Variants in ACOXL observed in about 807,000 individuals in gnomAD.
The protein encoded by ACOXL is acyl-CoA oxidase like, also known as acyl-coenzyme A oxidase-like protein.
ACOXL carries 70 observed loss-of-function variants against 71.9 expected under a neutral mutation model. The observed-to-expected ratio is 0.97, with a 90% CI of 0.80 to 1.19. The LOEUF (loss-of-function observed/expected upper bound fraction) is 1.19, where lower values mean the gene tolerates loss of function less well. ACOXL is among the 50% of genes most tolerant of loss of function. The probability of loss-of-function intolerance (pLI) is 0.00; values close to 1 mark genes in which losing one functional copy is unlikely to be tolerated. For missense variants in ACOXL, 703 were observed against 736.3 expected, an observed-to-expected ratio of 0.95 and a Z score of 0.52; for synonymous variants, 253 against 281.6, an observed-to-expected ratio of 0.90 and a Z score of 1.02.
intron 10 of ACOXL, among the ~76,000 whole-genome samples, chr2:110,891,912 T>C (rs1304549682): frequency 6.6e-6 from 1 of 152,216 alleles, no homozygotes; most frequent in East Asian, 1.9e-4. Context: ...CGAAGCCTTT[T>C]TGAAATGCAT....
intron 17 of ACOXL, among the ~76,000 whole-genome samples, chr2:111,110,342 G>A (rs1265175961): frequency 6.6e-6 from 1 of 152,128 alleles, no homozygotes; most frequent in Non-Finnish European, 1.5e-5. Context: ...AGTTTGAGCT[G>A]TGAAAATGGT....
chr2:111,045,908 C>CGTGCA (rs1322460399), intron 15 of ACOXL, among the ~76,000 whole-genome samples: 2 of 152,116 alleles, frequency 1.3e-5, no homozygotes, highest in Non-Finnish European at 2.9e-5. Flanking sequence ...TGTTCCTACA[C>CGTGCA]GTGCACTTCA....
rs78028046 is a variant in ACOXL, at chr2:110,991,624, G to A, written c.1170-4269G>A. Among the ~76,000 whole-genome samples, 872 of 152,190 alleles carry A rather than the reference G, an allele frequency of 5.7e-3. 61 individuals are homozygous for A. In the East Asian group the frequency reaches 0.14, roughly 24 times the overall value. On this transcript the variant is annotated intron_variant, in intron 13 of 17. Transcript: ENST00000439055. The stretch of plus-strand genomic sequence containing the variant: ...ACACATGGAAAACACAGTAAATGAT[G>A]GCCTGGGATTCTTTATAGCCATTGG...
chr2:110,946,604 G>A (rs1366674481), intron 12 of ACOXL, among the ~76,000 whole-genome samples: 2 of 152,122 alleles, frequency 1.3e-5, no homozygotes, highest in Non-Finnish European at 2.9e-5. Context: ...TGCCCTCTCT[G>A]CTTCAGAAAA....
At chr2:110,984,266 TAC>T (rs926758348) in intron 12 of ACOXL, among the ~76,000 whole-genome samples, 3 of 152,114 alleles carry the variant, frequency 2.0e-5, no homozygotes, top group Admixed American at 6.6e-5. Flanking sequence ...ATTATATATA[TAC>T]ACACACACAT....
At chr2:110,874,401 CAG>C (rs1157875956) in intron 10 of ACOXL, among the ~76,000 whole-genome samples, 4 of 152,092 alleles carry the variant, frequency 2.6e-5, no homozygotes, top group Non-Finnish European at 4.4e-5. Flanking sequence ...ATCCCTCGGT[CAG>C]AGCTGGGCCT....
At chr2:111,013,947 G>A (rs1483536) in intron 14 of ACOXL, among the ~76,000 whole-genome samples, 54,607 of 152,018 alleles carry the variant, frequency 0.36, 10,440 homozygotes, top group African/African-American at 0.48. Context: ...GTCAAAACAT[G>A]TCAATAAAAT....
chr2:110,962,034 C>T (rs1331052973), intron 12 of ACOXL, among the ~76,000 whole-genome samples: 1 of 152,220 alleles, frequency 6.6e-6, no homozygotes. Context: ...TTTAGTGTTA[C>T]TCTTCTTCCA....
At chr2:110,871,764 C>G (rs1008257741) in intron 10 of ACOXL, among the ~76,000 whole-genome samples, 5 of 152,194 alleles carry the variant, frequency 3.3e-5, no homozygotes, top group African/African-American at 1.2e-4. Flanking sequence ...GCTGAGACGT[C>G]TCCCCTGACC....
Position 110,898,052 on chromosome 2 carries a change from G to A in ACOXL, c.789-10737G>A, listed in dbSNP as rs528428198. ...ATATCACAACTCCCCCAATGTGTAA[G>A]ATAATTTGAATAACCTTTTAACTGC... On this transcript the variant is annotated intron_variant, in intron 10 of 17. Transcript: ENST00000439055. 2.6e-5 allele frequency among the ~76,000 whole-genome samples: 4 copies of A among 152,230 alleles called. No homozygotes were observed. The East Asian group carries it at 7.7e-4, about 29-fold the overall frequency.
intron 9 of ACOXL, among the ~76,000 whole-genome samples, chr2:110,823,377 C>T (rs760673542): frequency 8.5e-5 from 13 of 152,052 alleles, no homozygotes; most frequent in Non-Finnish European, 1.6e-4. Context: ...AAGGATATCT[C>T]GGTTGCTTCC....
At chr2:110,901,179 G>A (rs2059217542) in intron 10 of ACOXL, among the ~76,000 whole-genome samples, 1 of 152,200 alleles carries the variant, frequency 6.6e-6, no homozygotes, top group African/African-American at 2.4e-5. Flanking sequence ...GGGTGTTTAT[G>A]TTCCCCAGGT....
intron 11 of ACOXL, among the ~76,000 whole-genome samples, chr2:110,921,388 ACCCC>A (rs376926482): frequency 0.026 from 1,517 of 57,618 alleles, 43 homozygotes; most frequent in Middle Eastern, 0.13. Context: ...CTATATATCC[ACCCC>A]CCCCCCCCTT....
intron 1 of ACOXL, among the ~76,000 whole-genome samples, chr2:110,747,256 G>A (rs1678343117): frequency 6.6e-6 from 1 of 152,164 alleles, no homozygotes; most frequent in Non-Finnish European, 1.5e-5. Flanking sequence ...CTTTGGGTTT[G>A]GATGGGTGAG....
intron 2 of ACOXL, 134 bp downstream of exon 2, chr2:110,768,598 G>A (rs911330036): frequency 5.3e-6 from 4 of 761,642 alleles, no homozygotes; most frequent in Non-Finnish European, 8.4e-6. Flanking sequence ...TTTGTTACAT[G>A]GGTAAATTGC....
chr2:110,795,284 G>C (rs1446849318), intron 5 of ACOXL, among the ~76,000 whole-genome samples: 1 of 152,190 alleles, frequency 6.6e-6, no homozygotes, highest in Non-Finnish European at 1.5e-5. Context: ...GGGTGTATTG[G>C]AGGATGCCCT....
rs1003855997 is a variant in ACOXL, at chr2:111,118,359, G to A, written c.*543G>A. 6.5e-6 allele frequency: 1 copy of A among 153,460 alleles called. No individual in the cohort carries two copies. Among genetic ancestry groups the A allele is most frequent in the Non-Finnish European group, 1.5e-5 (1 of 68,948 alleles). The allele number at this position is 153,460 out of a possible 1,614,324, so 9.5% of individuals were successfully genotyped here. A position where few individuals can be genotyped will look rare whatever the true frequency, so the allele number is the denominator to read the frequency against. The stretch of plus-strand genomic sequence containing the variant: ...CTGGGGCTCTGCAAGGAAACGCACG[G>A]ACTGGGAGAAGGAAGTGGGAGCCTA... On this transcript the variant is annotated 3_prime_UTR_variant, in exon 18 of 18. Coordinates refer to ENST00000439055, the MANE Select transcript of ACOXL (RefSeq NM_001142807.4).
chr2:111,107,976 T>G (rs187153997), intron 17 of ACOXL, among the ~76,000 whole-genome samples: 19 of 152,358 alleles, frequency 1.2e-4, no homozygotes, highest in Non-Finnish European at 2.1e-4. Flanking sequence ...GCAGCAGTAC[T>G]TACTTGACTT....
intron 12 of ACOXL, among the ~76,000 whole-genome samples, chr2:110,938,218 G>A (rs771541899): frequency 2.4e-4 from 37 of 152,240 alleles, no homozygotes; most frequent in Non-Finnish European, 4.8e-4. Flanking sequence ...CTCAGGATGA[G>A]GGTGTGGGAG....
Sources: allele counts gnomAD v4.1 joint callset (sites outside exome capture counted in the v4.1 genomes callset), GRCh38; gene constraint gnomAD v4.1.1; transcripts MANE v1.5; gene names NCBI Gene and HGNC (gene_info 2026-07-23, HGNC 2026-07-21).